CMIP: variants seen among roughly 807,000 people sequenced by gnomAD.
CMIP encodes the protein C-Maf-inducing protein.
CMIP carries 13 observed loss-of-function variants against 97.3 expected under a neutral mutation model. That is an observed-to-expected ratio of 0.13 (90% CI 0.09 to 0.21). The LOEUF is 0.21. Among genes scored for constraint, CMIP ranks in the 10% least tolerant of loss-of-function variants. The pLI is 1.00. For missense variants in CMIP, 847 were observed against 1,024.9 expected, an observed-to-expected ratio of 0.83 and a Z score of 2.37; for synonymous variants, 538 against 436.3, an observed-to-expected ratio of 1.23 and a Z score of -2.91.
chr16:81,579,879 C>G (rs2091266382), intron 1 of CMIP, among the ~76,000 whole-genome samples: 1 of 152,166 alleles, frequency 6.6e-6, no homozygotes, highest in African/African-American at 2.4e-5. Flanking sequence ...TGGCGTGAAC[C>G]CGGGAGGCGG....
At chr16:81,487,394 C>G (rs1020269605) in intron 1 of CMIP, among the ~76,000 whole-genome samples, 8 of 152,318 alleles carry the variant, frequency 5.3e-5, no homozygotes, top group Non-Finnish European at 1.2e-4. Context: ...TCTGACTGCT[C>G]CACTCCCGAG....
At chr16:81,661,075 C>A in intron 6 of CMIP, 129 bp downstream of exon 6, 1 of 1,123,332 alleles carries the variant, frequency 8.9e-7, no homozygotes. Flanking sequence ...GTCCCAGACA[C>A]AGGCGGAGAG....
At chr16:81,566,723 C>T (rs1162648156) in intron 1 of CMIP, among the ~76,000 whole-genome samples, 1 of 152,214 alleles carries the variant, frequency 6.6e-6, no homozygotes, top group Non-Finnish European at 1.5e-5. Context: ...CAGCCTTAGT[C>T]ATAGTAGCCT....
intron 1 of CMIP, among the ~76,000 whole-genome samples, chr16:81,523,950 A>C (rs1322652983): frequency 6.6e-6 from 1 of 152,158 alleles, no homozygotes; most frequent in Admixed American, 6.5e-5. Flanking sequence ...CTGGCTCCTG[A>C]GTTGTAGGTG....
intron 1 of CMIP, among the ~76,000 whole-genome samples, chr16:81,487,366 G>C (rs769195920): frequency 1.6e-4 from 25 of 152,210 alleles, no homozygotes; most frequent in Middle Eastern, 3.2e-3. Context: ...AACCTGGGTG[G>C]TCAGGGCCGA....
intron 3 of CMIP, among the ~76,000 whole-genome samples, chr16:81,625,056 T>C (rs1439316814): frequency 6.6e-6 from 1 of 152,242 alleles, no homozygotes; most frequent in Non-Finnish European, 1.5e-5. Context: ...AGAGGATAAG[T>C]CAGTCGCACA....
intron 1 of CMIP, chr16:81,603,362 G>C: frequency 4.4e-6 from 2 of 454,160 alleles, no homozygotes; most frequent in South Asian, 3.1e-5. Context: ...GATTACAGGC[G>C]TGAGCCACCG....
In CMIP at chr16:81,710,829, T is replaced by G. The variant is rs894265399; in HGVS notation, c.*1030T>G. ...CAGTCCACCCCGGTAAAAGAGCTGTTCCCCACCCCCAGGGAGCTCCTGTCC... is the reference window on the plus strand; with the variant it reads ...CAGTCCACCCCGGTAAAAGAGCTGTGCCCCACCCCCAGGGAGCTCCTGTCC... On this transcript the variant is annotated 3_prime_UTR_variant, in exon 21 of 21. Transcript: ENST00000537098. The G allele has an allele frequency of 6.6e-6, 1 of 152,136 alleles. No individual in the cohort carries two copies. The highest frequency in any genetic ancestry group is 1.5e-5 in the Non-Finnish European group (1 of 68,070). 9.4% of individuals were successfully genotyped at this position (152,136 alleles called of 1,614,324 possible). A position where few individuals can be genotyped will look rare whatever the true frequency, so the allele number is the denominator to read the frequency against.
At chr16:81,473,704 C>T (rs1907701061) in intron 1 of CMIP, among the ~76,000 whole-genome samples, 1 of 151,918 alleles carries the variant, frequency 6.6e-6, no homozygotes, top group African/African-American at 2.4e-5. Context: ...CTTGGGCCTG[C>T]CTTTGGGGGA....
chr16:81,705,561 G>C lies in CMIP; in HGVS notation c.2154G>C (p.Leu718=). The C allele has an allele frequency of 1.2e-6, 2 of 1,609,324 alleles. No homozygotes were observed. Among genetic ancestry groups the C allele is most frequent in the Non-Finnish European group, 1.7e-6 (2 of 1,178,606 alleles). ...EHLTMLQVLN[L]CETPVTDAGL... ...TCACCATGCTCCAGGTGCTGAACCT[G>C]TGCGAGACCCCGGTCACAGACGCTG... Residue 718 remains leucine, a synonymous_variant, in exon 19 of 21, where the codon CTG becomes CTC. Coordinates refer to ENST00000537098, the MANE Select transcript of CMIP (RefSeq NM_198390.3).
intron 1 of CMIP, among the ~76,000 whole-genome samples, chr16:81,512,978 C>A (rs544949661): frequency 2.6e-5 from 4 of 152,218 alleles, no homozygotes; most frequent in Non-Finnish European, 4.4e-5. Context: ...CTCAAGCAAT[C>A]CGCCCTCCTC....
At chr16:81,574,022 T>C (rs914530591) in intron 1 of CMIP, among the ~76,000 whole-genome samples, 2 of 152,202 alleles carry the variant, frequency 1.3e-5, no homozygotes, top group African/African-American at 2.4e-5. Flanking sequence ...CAATCTAGTA[T>C]AGTAGTCACT....
intron 1 of CMIP, among the ~76,000 whole-genome samples, chr16:81,540,675 TG>T (rs2090432529): frequency 6.6e-6 from 1 of 151,184 alleles, no homozygotes; most frequent in African/African-American, 2.4e-5. Context: ...TGTGTGTGTG[TG>T]TGTGTGTGTT....
chr16:81,569,594 CT>C (rs1353403129), intron 1 of CMIP, among the ~76,000 whole-genome samples: 1 of 152,256 alleles, frequency 6.6e-6, no homozygotes, highest in Non-Finnish European at 1.5e-5. Flanking sequence ...GCGGCAGCAA[CT>C]TTCTGACAGG....
At chr16:81,514,005 G>A (rs1039317691) in intron 1 of CMIP, among the ~76,000 whole-genome samples, 1 of 150,878 alleles carries the variant, frequency 6.6e-6, no homozygotes, top group Non-Finnish European at 1.5e-5. Flanking sequence ...TTCCGTTGTG[G>A]TTGCTGCTGC....
At chr16:81,483,457 G>A (rs572493000) in intron 1 of CMIP, among the ~76,000 whole-genome samples, 2 of 152,316 alleles carry the variant, frequency 1.3e-5, no homozygotes, top group South Asian at 2.1e-4. Flanking sequence ...AACTTTGGCC[G>A]TTAACTCTGA....
chr16:81,456,917 C>T (rs549410471), intron 1 of CMIP, among the ~76,000 whole-genome samples: 190 of 152,260 alleles, frequency 1.2e-3, no homozygotes, highest in African/African-American at 4.1e-3. Context: ...GACCCATCTC[C>T]GGAGGAGCCG....
intron 1 of CMIP, among the ~76,000 whole-genome samples, chr16:81,595,462 C>T (rs2091540154): frequency 6.7e-6 from 1 of 150,274 alleles, no homozygotes; most frequent in South Asian, 2.1e-4. Flanking sequence ...AATCTGAGCT[C>T]ACTGCAGCTT....
At chr16:81,545,626 C>G (rs777427767) in intron 1 of CMIP, among the ~76,000 whole-genome samples, 1 of 152,180 alleles carries the variant, frequency 6.6e-6, no homozygotes, top group Non-Finnish European at 1.5e-5. Context: ...CCACACAGCA[C>G]GGGGCGGACC....
Sources: gnomAD v4.1 joint callset for allele counts (sites outside exome capture counted in the v4.1 genomes callset) on GRCh38, gnomAD v4.1.1 for gene constraint, MANE v1.5 for transcripts, NCBI Gene and HGNC (gene_info 2026-07-23, HGNC 2026-07-21) for gene names.